APBB2: variants seen among roughly 807,000 people sequenced by gnomAD.
APBB2 encodes the protein amyloid beta precursor protein binding family B member 2.
Under a neutral mutation model 82.5 loss-of-function variants are expected in APBB2, and 38 were observed. That is an observed-to-expected ratio of 0.46 (90% CI 0.36 to 0.60). The LOEUF is 0.60. Among genes scored for constraint, APBB2 ranks in the 20% least tolerant of loss-of-function variants. APBB2 has a pLI of 0.00. For synonymous variants in APBB2, 341 were observed against 368.2 expected (o/e 0.93, Z 0.85); for missense variants, 772 against 972.3 (o/e 0.79, Z 2.74).
At chr4:40,916,489 T>C (rs1478177666) in intron 10 of APBB2, among the ~76,000 whole-genome samples, 1 of 152,236 alleles carries the variant, frequency 6.6e-6, no homozygotes, top group African/African-American at 2.4e-5. Flanking sequence ...TTCCTCAGTA[T>C]TGGCTGAGCT....
chr4:40,940,210 G>T (rs1786481759), intron 7 of APBB2, among the ~76,000 whole-genome samples: 1 of 152,196 alleles, frequency 6.6e-6, no homozygotes, highest in Non-Finnish European at 1.5e-5. Context: ...AAGCAATGGG[G>T]TAAGAGCAGT....
intron 12 of APBB2, among the ~76,000 whole-genome samples, chr4:40,869,510 C>A (rs1764884548): frequency 6.6e-6 from 1 of 151,896 alleles, no homozygotes; most frequent in Admixed American, 6.6e-5. Context: ...ATCACTTAAG[C>A]CCAGGAGATC....
At chr4:40,907,371 ATATATATATTTTTTTTT>A (rs1226132173) in intron 10 of APBB2, among the ~76,000 whole-genome samples, 1,396 of 42,998 alleles carry the variant, frequency 0.032, 10 homozygotes, top group Middle Eastern at 0.064. Context: ...ATATATATAT[ATATATATATTTTTTTTT>A]TTTTTTTTTT....
At chr4:40,828,502 C>T (rs1160187862) in intron 13 of APBB2, among the ~76,000 whole-genome samples, 1 of 152,190 alleles carries the variant, frequency 6.6e-6, no homozygotes, top group Admixed American at 6.5e-5. Flanking sequence ...TAAAATCAAG[C>T]GTTTCCTGCA....
chr4:40,913,500 C>T (rs1779076568), intron 10 of APBB2, among the ~76,000 whole-genome samples: 1 of 152,166 alleles, frequency 6.6e-6, no homozygotes, highest in Non-Finnish European at 1.5e-5. Context: ...TGCAAATACA[C>T]TCCATCCCCA....
At chr4:40,970,684 C>T (rs62410358) in intron 6 of APBB2, among the ~76,000 whole-genome samples, 5,461 of 152,148 alleles carry the variant, frequency 0.036, 151 homozygotes, top group Non-Finnish European at 0.053. Flanking sequence ...TGGGTTCCCA[C>T]AATGAGGCAC....
At chr4:40,893,562 T>C in intron 10 of APBB2, 151 bp from the exon 11 acceptor site, 1 of 687,500 alleles carries the variant, frequency 1.5e-6, no homozygotes, top group Non-Finnish European at 2.2e-6. Flanking sequence ...AGTTAACAAA[T>C]CCTCTATTGC....
At chr4:40,912,906 G>A (rs1183772156) in intron 10 of APBB2, among the ~76,000 whole-genome samples, 3 of 152,190 alleles carry the variant, frequency 2.0e-5, no homozygotes, top group Admixed American at 2.0e-4. Context: ...CCCTGAAAGT[G>A]TGAGTGGTAT....
chr4:41,006,436 G>A (rs1806756650), intron 6 of APBB2, among the ~76,000 whole-genome samples: 1 of 152,044 alleles, frequency 6.6e-6, no homozygotes, highest in South Asian at 2.1e-4. Context: ...GCTGAAGACT[G>A]GGCCTAGGGA....
intron 5 of APBB2, among the ~76,000 whole-genome samples, chr4:41,022,576 T>TCTCA (rs1342913022): frequency 1.3e-5 from 2 of 152,152 alleles, no homozygotes; most frequent in African/African-American, 2.4e-5. Context: ...TTCTCACAAT[T>TCTCA]CTCACACCTT....
chr4:41,024,628 C>A (rs1017876077), intron 5 of APBB2, among the ~76,000 whole-genome samples: 1 of 152,260 alleles, frequency 6.6e-6, no homozygotes, highest in Admixed American at 6.5e-5. Flanking sequence ...CCTGGAGACT[C>A]TCCCAGCCCT....
intron 1 of APBB2, among the ~76,000 whole-genome samples, chr4:41,163,314 G>C (rs763195121): frequency 6.6e-6 from 1 of 152,170 alleles, no homozygotes; most frequent in Non-Finnish European, 1.5e-5. Context: ...AATAGCCCTG[G>C]ATCTGTATTC....
chr4:40,971,777 C>G (rs1170979380), intron 6 of APBB2, among the ~76,000 whole-genome samples: 1 of 152,116 alleles, frequency 6.6e-6, no homozygotes, highest in East Asian at 1.9e-4. Context: ...AATCTGACAC[C>G]AGGTGGCAGA....
intron 3 of APBB2, among the ~76,000 whole-genome samples, chr4:41,066,170 T>C (rs1461678249): frequency 9.2e-6 from 1 of 108,804 alleles, no homozygotes; most frequent in Non-Finnish European, 2.2e-5. Flanking sequence ...ACATATAACA[T>C]ATAGAAAATG....
At chr4:41,196,661 T>C in intron 1 of APBB2, among the ~76,000 whole-genome samples, 2 of 149,632 alleles carry the variant, frequency 1.3e-5, no homozygotes, top group Non-Finnish European at 3.0e-5. Flanking sequence ...ACCACAAGTG[T>C]TAACAATTAT....
chr4:41,173,862 A>G (rs986624603), intron 1 of APBB2, among the ~76,000 whole-genome samples: 3 of 152,164 alleles, frequency 2.0e-5, no homozygotes, highest in Non-Finnish European at 4.4e-5. Context: ...AGATATCCCC[A>G]CCACTAAGTG....
chr4:41,008,368 T>C (rs1807376983), intron 6 of APBB2, among the ~76,000 whole-genome samples: 1 of 152,238 alleles, frequency 6.6e-6, no homozygotes, highest in South Asian at 2.1e-4. Flanking sequence ...AAACCAGGCA[T>C]TGATTAAGAT....
chr4:40,975,007 A>C lies in APBB2; in HGVS notation c.836-29934T>G, dbSNP rs538164348. Among the ~76,000 whole-genome samples the C allele has an allele frequency of 4.6e-5, 7 of 152,350 alleles. No individual in the cohort carries two copies. The South Asian group carries it at 1.0e-3, about 23-fold the overall frequency. On this transcript the variant is annotated intron_variant, in intron 6 of 17. Transcript: ENST00000508593. ...TAACTGCTACAACAAGAGACACTTCAACCCTTTGTCTCTACCACTGCTAAC... is the reference window on the plus strand; with the variant it reads ...TAACTGCTACAACAAGAGACACTTCCACCCTTTGTCTCTACCACTGCTAAC...
chr4:40,844,793 A>G (rs1009841372), intron 12 of APBB2, among the ~76,000 whole-genome samples: 12 of 152,228 alleles, frequency 7.9e-5, no homozygotes, highest in Non-Finnish European at 1.8e-4. Context: ...TGGATGTGCT[A>G]GGAACTTCTT....
Sources: allele counts gnomAD v4.1 joint callset (sites outside exome capture counted in the v4.1 genomes callset), GRCh38; gene constraint gnomAD v4.1.1; transcripts MANE v1.5; gene names NCBI Gene and HGNC (gene_info 2026-07-23, HGNC 2026-07-21).